ITGA9: variants seen among roughly 807,000 people sequenced by gnomAD.
The protein encoded by ITGA9 is integrin subunit alpha 9, also known as integrin alpha-9.
In ITGA9, 56 loss-of-function variants were observed where a neutral mutation model predicts 127.8. The ratio of observed to expected loss-of-function variants is 0.44; its 90% CI spans 0.35 to 0.55. The LOEUF is 0.55. ITGA9 is among the 20% of genes least tolerant of loss of function. The probability of loss-of-function intolerance (pLI) is 0.00; values close to 1 mark genes in which losing one functional copy is unlikely to be tolerated. For missense variants in ITGA9, 1,196 were observed against 1,347.1 expected, an observed-to-expected ratio of 0.89 and a Z score of 1.76; for synonymous variants, 508 against 514.5, an observed-to-expected ratio of 0.99 and a Z score of 0.17.
At chr3:37,533,762 G>T (rs945857034) in intron 14 of ITGA9, among the ~76,000 whole-genome samples, 1 of 152,222 alleles carries the variant, frequency 6.6e-6, no homozygotes, top group Non-Finnish European at 1.5e-5. Flanking sequence ...CTATGGGACT[G>T]GTGGAGATAT....
intron 21 of ITGA9, among the ~76,000 whole-genome samples, 168 bp from the exon 22 acceptor site, chr3:37,743,758 C>T (rs1696466105): frequency 6.6e-6 from 1 of 152,208 alleles, no homozygotes; most frequent in Non-Finnish European, 1.5e-5. Context: ...CACTACTATT[C>T]ATGCCTGGTC....
At chr3:37,803,749 G>C in intron 26 of ITGA9, 74 bp from the exon 27 acceptor site, 1 of 1,567,346 alleles carries the variant, frequency 6.4e-7, no homozygotes. Context: ...ACTCCAGCCT[G>C]GGTGACAGAA....
intron 4 of ITGA9, among the ~76,000 whole-genome samples, chr3:37,485,595 A>G (rs764903276): frequency 1.3e-5 from 2 of 152,072 alleles, no homozygotes; most frequent in Non-Finnish European, 2.9e-5. Flanking sequence ...AAGTCTCCAT[A>G]TGGGCCAGCT....
rs72857256 is a variant in ITGA9 at position 37,639,600 on chromosome 3, G to T, written c.1839+10264G>T. 6.3e-3 allele frequency among the ~76,000 whole-genome samples: 961 copies of T among 152,280 alleles called. 12 individuals carry two copies. The highest frequency in any genetic ancestry group is 0.022 in the African/African-American group (902 of 41,546). ...TGAAGCCACTTGTTCACTGGCTGAG[G>T]AGTTGGATGTGATTCTACGGTGGAC... On this transcript the variant is annotated intron_variant, in intron 16 of 27. Transcript: ENST00000264741.
At chr3:37,648,146 T>C (rs1462415601) in intron 16 of ITGA9, among the ~76,000 whole-genome samples, 1 of 152,154 alleles carries the variant, frequency 6.6e-6, no homozygotes, top group African/African-American at 2.4e-5. Flanking sequence ...CTACCAACAA[T>C]GTATAAGGGT....
chr3:37,727,747 A>T (rs1405505914), intron 18 of ITGA9, among the ~76,000 whole-genome samples: 1 of 152,218 alleles, frequency 6.6e-6, no homozygotes, highest in African/African-American at 2.4e-5. Context: ...TCACAAAAGG[A>T]TCATTTTAAC....
intron 15 of ITGA9, among the ~76,000 whole-genome samples, chr3:37,568,625 A>G (rs1422180189): frequency 1.3e-5 from 2 of 152,176 alleles, no homozygotes; most frequent in East Asian, 3.9e-4. Flanking sequence ...AATTTCTTCC[A>G]CCAGATACCC....
At chr3:37,615,520 G>A (rs1700065248) in intron 15 of ITGA9, among the ~76,000 whole-genome samples, 1 of 152,160 alleles carries the variant, frequency 6.6e-6, no homozygotes. Context: ...TCTGTTGATT[G>A]GAATAGTTTC....
intron 15 of ITGA9, among the ~76,000 whole-genome samples, chr3:37,572,614 A>G (rs1448506418): frequency 1.3e-5 from 2 of 152,232 alleles, no homozygotes; most frequent in Non-Finnish European, 2.9e-5. Context: ...AGAAGGCAAT[A>G]CATTTTAGTT....
chr3:37,523,637 A>G (rs1699065946), intron 12 of ITGA9, 26 bp downstream of exon 12: 5 of 1,468,470 alleles, frequency 3.4e-6, no homozygotes, highest in Non-Finnish European at 4.8e-6. Flanking sequence ...TTAAAGGCAC[A>G]TGAGATAAAT....
At chr3:37,750,720 C>A in intron 23 of ITGA9, 151 bp downstream of exon 23, 1 of 694,698 alleles carries the variant, frequency 1.4e-6, no homozygotes, top group Non-Finnish European at 2.6e-6. Context: ...GGCCAGGGGA[C>A]CTGTGATACC....
intron 18 of ITGA9, among the ~76,000 whole-genome samples, chr3:37,695,446 T>G (rs763985573): frequency 1.2e-4 from 19 of 152,250 alleles, no homozygotes; most frequent in Non-Finnish European, 2.4e-4. Context: ...TTGAGGTGTT[T>G]GTATGATATT....
chr3:37,813,060 C>A (rs1697387916), intron 27 of ITGA9, among the ~76,000 whole-genome samples: 1 of 152,210 alleles, frequency 6.6e-6, no homozygotes, highest in African/African-American at 2.4e-5. Flanking sequence ...GTGCTAATTT[C>A]CCAAGTGTAG....
At chr3:37,603,939 A>G (rs1699944604) in intron 15 of ITGA9, among the ~76,000 whole-genome samples, 2 of 152,220 alleles carry the variant, frequency 1.3e-5, no homozygotes, top group African/African-American at 2.4e-5. Context: ...AGAAGCAGCT[A>G]CATTCCCATT....
At chr3:37,635,007 G>T (rs1700264304) in intron 16 of ITGA9, among the ~76,000 whole-genome samples, 1 of 152,184 alleles carries the variant, frequency 6.6e-6, no homozygotes, top group East Asian at 1.9e-4. Context: ...TTGGGTTAAT[G>T]AAATAATTCA....
intron 12 of ITGA9, among the ~76,000 whole-genome samples, chr3:37,524,983 C>G (rs1699079476): frequency 6.6e-6 from 1 of 152,216 alleles, no homozygotes; most frequent in South Asian, 2.1e-4. Context: ...TTTAGGAACA[C>G]TATAATTCAT....
At chr3:37,484,067 T>C (rs539245781) in intron 4 of ITGA9, among the ~76,000 whole-genome samples, 2 of 152,314 alleles carry the variant, frequency 1.3e-5, no homozygotes, top group South Asian at 2.1e-4. Context: ...GACTTAATGA[T>C]GGTTAAATGG....
intron 15 of ITGA9, among the ~76,000 whole-genome samples, chr3:37,605,012 A>G (rs979717803): frequency 3.3e-4 from 50 of 152,334 alleles, no homozygotes; most frequent in African/African-American, 1.2e-3. Context: ...ACCGTCTAAT[A>G]GGAATGATAG....
intron 4 of ITGA9, among the ~76,000 whole-genome samples, chr3:37,483,689 G>A (rs1203907632): frequency 6.6e-6 from 1 of 152,204 alleles, no homozygotes; most frequent in Non-Finnish European, 1.5e-5. Context: ...TGTGGGCTGG[G>A]AAAGCCTCCA....
Sources: allele counts gnomAD v4.1 joint callset (sites outside exome capture counted in the v4.1 genomes callset), GRCh38; gene constraint gnomAD v4.1.1; transcripts MANE v1.5; gene names NCBI Gene and HGNC (gene_info 2026-07-23, HGNC 2026-07-21).